Variants in GRIN2B observed in about 807,000 individuals in gnomAD.
The protein encoded by GRIN2B is glutamate receptor ionotropic, NMDA 2B.
Under a neutral mutation model 114.5 loss-of-function variants are expected in GRIN2B, and 5 were observed. That is an observed-to-expected ratio of 0.04 (90% confidence interval 0.02 to 0.09). The LOEUF (loss-of-function observed/expected upper bound fraction) is 0.09. GRIN2B is among the 10% of genes least tolerant of loss of function. The pLI, the probability that GRIN2B is intolerant of heterozygous loss-of-function variation, is 1.00. For synonymous variants in GRIN2B, 787 were observed against 745.1 expected (o/e 1.06, Z -0.92); for missense variants, 1,108 against 1,943.5 (o/e 0.57, Z 8.08).
rs186787180 is a variant in GRIN2B, at chr12:13,596,759, C to T, written c.2010+11844G>A. 5.3e-5 allele frequency among the ~76,000 whole-genome samples: 8 copies of T among 152,330 alleles called. No homozygotes were observed. In the East Asian group the frequency reaches 1.2e-3, roughly 22 times the overall value. Reference sequence around the variant, plus strand: ...GTGCACAAATGAAGAAAACAAACTTCGCTGGAAATACTGTTGGTTAGAATG... The same window carrying T: ...GTGCACAAATGAAGAAAACAAACTTTGCTGGAAATACTGTTGGTTAGAATG... On this transcript the variant is annotated intron_variant, in intron 10 of 13. Coordinates refer to ENST00000609686, the MANE Select transcript of GRIN2B (RefSeq NM_000834.5).
chr12:13,622,629 C>T (rs752482145), intron 5 of GRIN2B, among the ~76,000 whole-genome samples: 4 of 151,792 alleles, frequency 2.6e-5, no homozygotes, highest in Admixed American at 2.0e-4. Context: ...AAATGTATCC[C>T]TCACACTTCT....
intron 3 of GRIN2B, among the ~76,000 whole-genome samples, chr12:13,852,442 G>A (rs1565562701): frequency 6.6e-6 from 1 of 152,086 alleles, no homozygotes; most frequent in Non-Finnish European, 1.5e-5. Context: ...TCAACTGTTT[G>A]CAAGCTTGTA....
At chr12:13,603,908 C>T (rs527642176) in intron 10 of GRIN2B, among the ~76,000 whole-genome samples, 35 of 152,038 alleles carry the variant, frequency 2.3e-4, no homozygotes, top group African/African-American at 7.5e-4. Context: ...TCCAGAGTCT[C>T]GGTGTTCCTA....
intron 4 of GRIN2B, among the ~76,000 whole-genome samples, chr12:13,725,744 G>T (rs1862973627): frequency 6.6e-6 from 1 of 152,146 alleles, no homozygotes; most frequent in Admixed American, 6.6e-5. Context: ...GCAATTTCCA[G>T]GGAAGAGGGC....
chr12:13,663,629 A>G (rs1414074504), intron 5 of GRIN2B, among the ~76,000 whole-genome samples: 1 of 152,188 alleles, frequency 6.6e-6, no homozygotes, highest in African/African-American at 2.4e-5. Context: ...TCACCTTTTA[A>G]AAATCCCTGT....
chr12:13,687,167 T>C (rs980363150), intron 4 of GRIN2B, among the ~76,000 whole-genome samples: 32 of 152,148 alleles, frequency 2.1e-4, no homozygotes, highest in African/African-American at 7.7e-4. Context: ...ATTACCAGCC[T>C]TGAGTTTTCT....
intron 3 of GRIN2B, among the ~76,000 whole-genome samples, chr12:13,761,311 C>T (rs73300381): frequency 0.025 from 3,776 of 152,278 alleles, 155 homozygotes; most frequent in African/African-American, 0.086. Flanking sequence ...AGTCTCTCTT[C>T]GGATGTGCTT....
rs1196572286 is a variant in GRIN2B, at chr12:13,558,446, A to C, written c.*4337T>G. The stretch of plus-strand genomic sequence containing the variant: ...AACAATCTGGTTATTCTATCTGTAA[A>C]TCTTGAACTAACTAACTAAAAACCG... On this transcript the variant is annotated 3_prime_UTR_variant, in exon 14 of 14. Coordinates refer to ENST00000609686, the MANE Select transcript of GRIN2B (RefSeq NM_000834.5). The C allele has an allele frequency of 6.7e-6, 1 of 148,158 alleles. No individual in the cohort carries two copies. Among genetic ancestry groups the C allele is most frequent in the Non-Finnish European group, 1.5e-5 (1 of 67,408 alleles). The allele number at this position is 148,158 out of a possible 1,614,324, so 9.2% of individuals were successfully genotyped here. A position where few individuals can be genotyped will look rare whatever the true frequency, so the allele number is the denominator to read the frequency against.
At chr12:13,914,734 T>A (rs1866683294) in intron 2 of GRIN2B, among the ~76,000 whole-genome samples, 2 of 152,212 alleles carry the variant, frequency 1.3e-5, no homozygotes, top group South Asian at 4.1e-4. Context: ...TGGAATACTA[T>A]TCAATCATAA....
intron 4 of GRIN2B, among the ~76,000 whole-genome samples, chr12:13,699,698 T>C (rs7296874): frequency 0.61 from 92,263 of 151,630 alleles, 28,329 homozygotes; most frequent in East Asian, 0.84. Context: ...AGTGATTTCT[T>C]CTGCTTCAGC....
chr12:13,911,294 G>A (rs772066280), intron 2 of GRIN2B, among the ~76,000 whole-genome samples: 1 of 152,180 alleles, frequency 6.6e-6, no homozygotes, highest in Non-Finnish European at 1.5e-5. Flanking sequence ...GCTTCAGCCA[G>A]AGGGGACTGT....
chr12:13,749,919 G>A (rs1415296562), intron 4 of GRIN2B, among the ~76,000 whole-genome samples: 2 of 152,168 alleles, frequency 1.3e-5, no homozygotes, highest in Non-Finnish European at 2.9e-5. Flanking sequence ...TGGATGGAGA[G>A]GAAGGAAAAG....
At chr12:13,577,803 G>A (rs1286432572) in intron 10 of GRIN2B, among the ~76,000 whole-genome samples, 1 of 152,082 alleles carries the variant, frequency 6.6e-6, no homozygotes, top group Non-Finnish European at 1.5e-5. Flanking sequence ...GAGATACAAA[G>A]ATGAAAAAAA....
Position 13,611,862 on chromosome 12 carries a change from A to C in GRIN2B, c.1655-12T>G. ...AGCGCTGAATGGCTCTGAGGAAGGGAAAAAAGCAGTGCTCAGGGTTAGAAC... is the reference window on the plus strand; with the variant it reads ...AGCGCTGAATGGCTCTGAGGAAGGGCAAAAAGCAGTGCTCAGGGTTAGAAC... On this transcript the variant is annotated splice_polypyrimidine_tract_variant and intron_variant, in intron 8 of 13. Transcript: ENST00000609686. The C allele has an allele frequency of 1.9e-6, 3 of 1,612,000 alleles. No homozygotes were observed. Among genetic ancestry groups the C allele is most frequent in the Non-Finnish European group, 2.5e-6 (3 of 1,178,104 alleles).
chr12:13,761,401 T>C (rs966578183), intron 3 of GRIN2B, among the ~76,000 whole-genome samples: 1 of 152,178 alleles, frequency 6.6e-6, no homozygotes, highest in African/African-American at 2.4e-5. Context: ...AGATTCTTGA[T>C]ATTCTAGGTC....
intron 3 of GRIN2B, among the ~76,000 whole-genome samples, chr12:13,865,295 T>C (rs542775158): frequency 2.6e-5 from 4 of 152,294 alleles, no homozygotes; most frequent in Admixed American, 6.5e-5. Flanking sequence ...TTCAAAACTA[T>C]AGGAGTTTCT....
Position 13,556,313 on chromosome 12 carries a change from G to A in GRIN2B, c.*6470C>T, listed in dbSNP as rs1317599912. 6.6e-6 allele frequency: 1 copy of A among 152,064 alleles called. No individual in the cohort carries two copies. Among genetic ancestry groups the A allele is most frequent in the Non-Finnish European group, 1.5e-5 (1 of 68,024 alleles). The allele number at this position is 152,064 out of a possible 1,614,324, so 9.4% of individuals were successfully genotyped here. On this transcript the variant is annotated 3_prime_UTR_variant, in exon 14 of 14. Coordinates refer to ENST00000609686, the MANE Select transcript of GRIN2B (RefSeq NM_000834.5). Reference sequence around the variant, plus strand: ...AACTTGCATGTATAATCATACAAATGTATGCATACCTATTTATACATACAT... The same window carrying A: ...AACTTGCATGTATAATCATACAAATATATGCATACCTATTTATACATACAT...
intron 5 of GRIN2B, among the ~76,000 whole-genome samples, chr12:13,652,181 G>A (rs1949820495): frequency 6.6e-6 from 1 of 151,736 alleles, no homozygotes; most frequent in Non-Finnish European, 1.5e-5. Context: ...TTAGCACTTT[G>A]CTAACTCTTC....
At chr12:13,963,919 G>T (rs145416930) in intron 2 of GRIN2B, among the ~76,000 whole-genome samples, 1 of 152,188 alleles carries the variant, frequency 6.6e-6, no homozygotes, top group East Asian at 1.9e-4. Flanking sequence ...CCCATGGTGG[G>T]AAAGGTAAAG....
Sources: gnomAD v4.1 joint callset for allele counts (sites outside exome capture counted in the v4.1 genomes callset) on GRCh38, gnomAD v4.1.1 for gene constraint, MANE v1.5 for transcripts, NCBI Gene and HGNC (gene_info 2026-07-23, HGNC 2026-07-21) for gene names.